Variants in POMGNT1 observed in about 807,000 individuals in gnomAD.
POMGNT1 encodes the protein protein O-linked mannose N-acetylglucosaminyltransferase 1 (beta 1,2-), also known as protein O-linked-mannose beta-1,2-N-acetylglucosaminyltransferase 1.
In POMGNT1, 67 loss-of-function variants were observed where a neutral mutation model predicts 95.6. That is an observed-to-expected ratio of 0.70 (90% CI 0.58 to 0.86). POMGNT1 has a LOEUF of 0.86. Ranked by LOEUF, POMGNT1 falls within the 40% of genes least tolerant of loss-of-function variation. The pLI is 0.00. For missense variants in POMGNT1, 719 were observed against 855.2 expected, an observed-to-expected ratio of 0.84 and a Z score of 1.99; for synonymous variants, 298 against 317.9, an observed-to-expected ratio of 0.94 and a Z score of 0.66.
At chr1:46,198,518 G>GGGCGGCGGCGGCGGCGGCGGCGGC (rs562692247), upstream of POMGNT1, 1 of 146,718 alleles carries the variant, frequency 6.8e-6, no homozygotes, top group African/African-American at 2.8e-5. Flanking sequence ...GCGGTGCTTA[G>GGGCGGCGGCGGCGGCGGCGGCGGC]GGCGGCGGCG....
upstream of POMGNT1, chr1:46,203,404 G>T (rs749233251): frequency 2.1e-6 from 3 of 1,439,270 alleles, no homozygotes; most frequent in South Asian, 1.5e-5. Flanking sequence ...CGGTCGCCCA[G>T]CCCTTTTCAG....
intron 18 of POMGNT1, 50 bp downstream of exon 18, chr1:46,190,670 G>T: frequency 6.4e-7 from 1 of 1,562,592 alleles, no homozygotes; most frequent in Non-Finnish European, 8.8e-7. Flanking sequence ...TCAGGGACTG[G>T]CCTCCAAATC....
chr1:46,219,623 AAGGTAGTGG>A, intron 1 of POMGNT1: 1 of 1,452,930 alleles, frequency 6.9e-7, no homozygotes, highest in Non-Finnish European at 9.2e-7. Flanking sequence ...GCTGAACCAC[AAGGTAGTGG>A]CCTGTGGAAA....
rs950180642 is a variant in POMGNT1, at chr1:46,188,766, T to C, written c.*504A>G. 1 of 1,612,828 alleles carries C rather than the reference T, an allele frequency of 6.2e-7. No individual in the cohort carries two copies. Among genetic ancestry groups the C allele is most frequent in the African/African-American group, 1.3e-5 (1 of 75,048 alleles). On this transcript the variant is annotated 3_prime_UTR_variant, in exon 22 of 22. Coordinates refer to ENST00000371984, the MANE Select transcript of POMGNT1 (RefSeq NM_017739.4). Reference sequence around the variant, plus strand: ...ACAAAGAGAAGGCTGAGAGGAGGCCTGGTCCAGTGTCTAAGGGTCTCTGAG... The same window carrying C: ...ACAAAGAGAAGGCTGAGAGGAGGCCCGGTCCAGTGTCTAAGGGTCTCTGAG...
Position 46,196,848 on chromosome 1 carries a change from A to G in POMGNT1, c.237T>C (p.Asp79=). 5 of 1,614,150 alleles carry G rather than the reference A, an allele frequency of 3.1e-6. No individual in the cohort carries two copies. The highest frequency in any genetic ancestry group is 4.2e-6 in the Non-Finnish European group (5 of 1,180,024). Residue 79 remains aspartate, a splice_region_variant and synonymous_variant, in exon 4 of 22, where the codon GAT becomes GAC. Transcript: ENST00000371984. This position sits in a 1 kb window ranked among gnomAD's most constrained non-coding sequence, Gnocchi z 4.4. ...NEDPEPEQDY[D]EALGRLEPPR... ...GGGGCTCCAGGCGGCCTAGGGCCTC[A>G]TCTGTGGGGTACAACAGGTCATGGA... is the stretch of plus-strand genomic sequence containing the variant.
chr1:46,203,429 G>A, upstream of POMGNT1: 2 of 1,466,228 alleles, frequency 1.4e-6, no homozygotes, highest in South Asian at 2.8e-5. Context: ...GGGCCCGCAT[G>A]GAGGGGACCG....
At chr1:46,190,841 T>C in intron 17 of POMGNT1, 57 bp from the exon 18 acceptor site, 1 of 1,489,864 alleles carries the variant, frequency 6.7e-7, no homozygotes. Context: ...CCACACCCAC[T>C]TGCTGACCAG....
At chr1:46,207,544 C>A (rs1028137892) in intron 1 of POMGNT1, among the ~76,000 whole-genome samples, 1 of 146,478 alleles carries the variant, frequency 6.8e-6, no homozygotes, top group African/African-American at 2.5e-5. Context: ...TTCTTTCTTT[C>A]TTTTTTTTTT....
Position 46,196,662 on chromosome 1 carries a change from AC to A in POMGNT1, c.354+68del, listed in dbSNP as rs1658261769. ...GTTGCAGTTCCCACTTAGGCAGTAGACCCTGCTGCCAGTGGACCATGCCCTG... is the reference window on the plus strand; with the variant it reads ...GTTGCAGTTCCCACTTAGGCAGTAGACCTGCTGCCAGTGGACCATGCCCTG... On this transcript the variant is annotated intron_variant, in intron 4 of 21. Coordinates refer to ENST00000371984, the MANE Select transcript of POMGNT1 (RefSeq NM_017739.4). The surrounding 1 kb of genome is among the most constrained non-coding windows in gnomAD (Gnocchi z 4.4). The A allele has an allele frequency of 1.2e-6, 2 of 1,611,804 alleles. No homozygotes were observed.
intron 1 of POMGNT1, among the ~76,000 whole-genome samples, chr1:46,216,466 C>T (rs1659075237): frequency 1.3e-5 from 2 of 152,086 alleles, no homozygotes; most frequent in South Asian, 2.1e-4. Flanking sequence ...CTCAGCCTCC[C>T]GAGGAGCTGG....
chr1:46,190,711 A>C lies in POMGNT1; in HGVS notation c.1604+9T>G, dbSNP rs1657699376. On this transcript the variant is annotated intron_variant, in intron 18 of 21. Transcript: ENST00000371984. ...GATATCCACCCCTTGCCCTGCTGCCAGCCCCAACCTGTCCACATTCCTGAG... is the reference window on the plus strand; with the variant it reads ...GATATCCACCCCTTGCCCTGCTGCCCGCCCCAACCTGTCCACATTCCTGAG... The C allele has an allele frequency of 2.5e-6, 4 of 1,611,564 alleles. No homozygotes were observed. The South Asian group carries it at 3.3e-5, about 13-fold the overall frequency.
rs760119298 is a variant in POMGNT1, at chr1:46,189,930, G to C, written c.1709C>G (p.Thr570Arg). 6.2e-7 allele frequency: 1 copy of C among 1,614,100 alleles called. No individual in the cohort carries two copies. Residue 570 changes from threonine to arginine, a missense_variant, in exon 20 of 22, where the codon ACA (threonine) becomes AGA (arginine). By Grantham distance (71) the Thr-to-Arg change is moderately conservative. This residue lies in a region of POMGNT1 where 130 missense variants were observed against 149.2 expected (regional missense o/e 0.87). Transcript: ENST00000371984. ...NPCEDSFLPDTEGHTYVAFIR... is the reference protein window; with the variant it reads ...NPCEDSFLPDREGHTYVAFIR... ...AAAGGCCACGTAGGTGTGGCCCTCT[G>C]TGTCTGGCAGGAAAGAGTCTTCACA... is the stretch of plus-strand genomic sequence containing the variant.
At chr1:46,192,249 G>A (rs1193045452) in intron 16 of POMGNT1, 26 bp from the exon 17 acceptor site, 3 of 1,614,202 alleles carry the variant, frequency 1.9e-6, no homozygotes, top group South Asian at 2.2e-5. Flanking sequence ...CACGATGAAG[G>A]TTAAGATGTT....
intron 17 of POMGNT1, 50 bp from the exon 18 acceptor site, chr1:46,190,834 C>T: frequency 6.6e-7 from 1 of 1,517,362 alleles, no homozygotes; most frequent in African/African-American, 1.4e-5. Context: ...GTCTGGCCCA[C>T]ACCCACTTGC....
chr1:46,204,915 C>G (rs1658663684), intron 1 of POMGNT1, among the ~76,000 whole-genome samples: 2 of 152,220 alleles, frequency 1.3e-5, no homozygotes, highest in South Asian at 2.1e-4. Context: ...ACATGATGCT[C>G]TCTTCATCTC....
intron 19 of POMGNT1, 52 bp from the exon 20 acceptor site, chr1:46,190,041 G>T: frequency 6.2e-7 from 1 of 1,604,684 alleles, no homozygotes; most frequent in Non-Finnish European, 8.5e-7. Context: ...CTTCATGGGT[G>T]TGTCCCACAG....
chr1:46,193,717 G>T, intron 10 of POMGNT1, 78 bp from the exon 11 acceptor site: 1 of 1,605,970 alleles, frequency 6.2e-7, no homozygotes, highest in Non-Finnish European at 8.5e-7. Context: ...GCTGGGCCCA[G>T]AGTCCCTATG....
In POMGNT1 at chr1:46,189,488, A is replaced by G. The variant is rs377170894; in HGVS notation, c.1865T>C (p.Leu622Pro). The change falls in exon 21 of 22, where the codon CTG becomes CCG. Residue 622 changes from leucine to proline, a missense_variant. Around this residue, in one of 5 missense-constraint regions of POMGNT1, gnomAD observed 130 missense variants for 149.2 expected, o/e 0.87. Coordinates refer to ENST00000371984, the MANE Select transcript of POMGNT1 (RefSeq NM_017739.4). ...WRLFRKKNHF[L>P]MVGVPASPYS... ...GGGGGAAGCCGGGACCCCCACCATC[A>G]GGAAGTGGTTCTTCTTCCGAAACAA... 2 of 1,613,542 alleles carry G rather than the reference A, an allele frequency of 1.2e-6. No individual in the cohort carries two copies. Among genetic ancestry groups the G allele is most frequent in the African/African-American group, 1.3e-5 (1 of 74,940 alleles).
rs375913574 is a variant in POMGNT1, at chr1:46,194,968, G to A, written c.535-7C>T. Reference sequence around the variant, plus strand: ...GGTGGAAGGAGCCCTCATCCTGGGGGACCAGAGAAGGCAGTTAGCCTGACT... The same window carrying A: ...GGTGGAAGGAGCCCTCATCCTGGGGAACCAGAGAAGGCAGTTAGCCTGACT... On this transcript the variant is annotated splice_polypyrimidine_tract_variant and splice_region_variant and intron_variant, in intron 6 of 21. Transcript: ENST00000371984. The A allele has an allele frequency of 1.1e-5, 17 of 1,613,570 alleles. No homozygotes were observed. The highest frequency in any genetic ancestry group is 1.0e-4 in the Admixed American group (6 of 60,012).
Sources: allele counts gnomAD v4.1 joint callset (sites outside exome capture counted in the v4.1 genomes callset), GRCh38; gene constraint gnomAD v4.1.1; regional missense constraint gnomAD v4.1.1; non-coding constraint Gnocchi (gnomAD v3.1); transcripts MANE v1.5; gene names NCBI Gene and HGNC (gene_info 2026-07-23, HGNC 2026-07-21).